Variants in CGNL1 observed in about 807,000 individuals in gnomAD.
The protein encoded by CGNL1 is cingulin-like protein 1.
A neutral mutation model predicts 141.2 loss-of-function variants in CGNL1; 132 were observed. That is an observed-to-expected ratio of 0.93 (90% CI 0.81 to 1.08). The LOEUF (loss-of-function observed/expected upper bound fraction) is 1.08. Ranked by LOEUF, CGNL1 falls within the 50% of genes least tolerant of loss-of-function variation. The pLI is 0.00. For missense variants in CGNL1, 1,870 were observed against 1,588.6 expected, an observed-to-expected ratio of 1.18 and a Z score of -3.01; for synonymous variants, 690 against 622.1, an observed-to-expected ratio of 1.11 and a Z score of -1.63.
chr15:57,439,310 A>C lies in CGNL1; in HGVS notation c.1311A>C (p.Lys437Asn). The C allele has an allele frequency of 6.2e-7, 1 of 1,614,116 alleles. No individual in the cohort carries two copies. The highest frequency in any genetic ancestry group is 8.5e-7 in the Non-Finnish European group (1 of 1,180,036). Reference protein sequence around the residue: ...QRPLSQERRGKQSVGRTFAKL... With the variant: ...QRPLSQERRGNQSVGRTFAKL... ...CACTGTCTCAGGAGCGCCGTGGGAA[A>C]CAGAGCGTGGGCCGCACCTTTGCAA... is the stretch of plus-strand genomic sequence containing the variant. The change falls in exon 2 of 19, where the codon AAA becomes AAC. Residue 437 changes from lysine to asparagine, a missense_variant. Lys to Asn is a moderately conservative substitution (Grantham distance 94). Transcript: ENST00000281282.
In CGNL1 at chr15:57,438,342, A is replaced by G. The variant is rs760360365; in HGVS notation, c.343A>G (p.Arg115Gly). 17 of 1,614,134 alleles carry G rather than the reference A, an allele frequency of 1.1e-5. No homozygotes were observed. The highest frequency in any genetic ancestry group is 1.3e-5 in the Non-Finnish European group (15 of 1,180,040). ...CCCATACGCCCAGCCTAGCCCAATA[A>G]GAAACCTGAAACAGCCCCTGCTCCA... ...ENPYAQPSPI[R>G]NLKQPLLHEG... Residue 115 changes from arginine (R) to glycine (G), a missense_variant, in exon 2 of 19, where the codon AGA becomes GGA. Physicochemically the swap from Arg to Gly is moderately radical, Grantham distance 125. Transcript: ENST00000281282.
intron 8 of CGNL1, among the ~76,000 whole-genome samples, chr15:57,511,120 A>G (rs547273906): frequency 6.6e-6 from 1 of 152,340 alleles, no homozygotes; most frequent in South Asian, 2.1e-4. Flanking sequence ...TTCAAAATTT[A>G]AAAATTGCCA....
chr15:57,422,536 G>A (rs2062927760), intron 1 of CGNL1, among the ~76,000 whole-genome samples: 1 of 152,218 alleles, frequency 6.6e-6, no homozygotes, highest in East Asian at 1.9e-4. Flanking sequence ...AAGTGCATGT[G>A]TTAATGTTCA....
chr15:57,549,337 G>C lies in CGNL1; in HGVS notation c.*1847G>C, dbSNP rs909708762. 1.3e-5 allele frequency: 2 copies of C among 152,204 alleles called. No homozygotes were observed. Among genetic ancestry groups the C allele is most frequent in the Non-Finnish European group, 2.9e-5 (2 of 68,086 alleles). 9.4% of individuals were successfully genotyped at this position (152,204 alleles called of 1,614,324 possible). The stretch of plus-strand genomic sequence containing the variant: ...GGTAGTGTTCAGCTGCTTCAGCAGT[G>C]TCCCCAACCATCCCAATAGGGTGGG... On this transcript the variant is annotated 3_prime_UTR_variant, in exon 19 of 19. Coordinates refer to ENST00000281282, the MANE Select transcript of CGNL1 (RefSeq NM_032866.5).
At chr15:57,539,921 C>T (rs72741522) in intron 14 of CGNL1, among the ~76,000 whole-genome samples, 18,967 of 152,210 alleles carry the variant, frequency 0.12, 1,481 homozygotes, top group Admixed American at 0.17. Context: ...ACACTGCCTA[C>T]CTCATTGGTG....
chr15:57,384,647 A>T (rs892594934), intron 1 of CGNL1, among the ~76,000 whole-genome samples: 1 of 150,364 alleles, frequency 6.7e-6, no homozygotes, highest in Non-Finnish European at 1.5e-5. Flanking sequence ...CTCTTTGTTT[A>T]TGTGTCTGAA....
intron 16 of CGNL1, 48 bp from the exon 17 acceptor site, chr15:57,545,544 G>A (rs2032810048): frequency 6.4e-7 from 1 of 1,551,172 alleles, no homozygotes; most frequent in Non-Finnish European, 8.8e-7. Flanking sequence ...TGGGCCCCCT[G>A]CAGGGATGGG....
At chr15:57,476,521 T>C (rs1366645424) in intron 8 of CGNL1, among the ~76,000 whole-genome samples, 1 of 152,160 alleles carries the variant, frequency 6.6e-6, no homozygotes, top group African/African-American at 2.4e-5. Context: ...GTAAATGGAT[T>C]TAGGCAAATA....
intron 8 of CGNL1, among the ~76,000 whole-genome samples, chr15:57,464,024 C>T (rs1197554310): frequency 2.6e-5 from 4 of 151,936 alleles, no homozygotes; most frequent in Non-Finnish European, 5.9e-5. Context: ...ATCTTGTCTG[C>T]TTCCTCCATT....
At chr15:57,460,947 A>T (rs2063437919) in intron 7 of CGNL1, among the ~76,000 whole-genome samples, 1 of 152,102 alleles carries the variant, frequency 6.6e-6, no homozygotes, top group Non-Finnish European at 1.5e-5. Context: ...GGGAGCCAAG[A>T]TGCCCACATC....
chr15:57,462,570 G>A (rs1481184052), intron 8 of CGNL1, among the ~76,000 whole-genome samples: 1 of 152,070 alleles, frequency 6.6e-6, no homozygotes, highest in Non-Finnish European at 1.5e-5. Flanking sequence ...GGGAAAGAGG[G>A]GAATTACAGA....
chr15:57,470,258 T>C (rs77320983), intron 8 of CGNL1, among the ~76,000 whole-genome samples: 20 of 107,996 alleles, frequency 1.9e-4, no homozygotes, highest in African/African-American at 4.8e-4. Context: ...TTGTCTCTCT[T>C]TTTTTTTTTT....
At chr15:57,536,435 G>A (rs1469760094) in intron 14 of CGNL1, among the ~76,000 whole-genome samples, 2 of 152,206 alleles carry the variant, frequency 1.3e-5, no homozygotes, top group Non-Finnish European at 2.9e-5. Context: ...AAACCTCTTG[G>A]ATGTTTGGAC....
intron 4 of CGNL1, among the ~76,000 whole-genome samples, chr15:57,445,272 C>A (rs111503982): frequency 1.3e-5 from 2 of 152,088 alleles, no homozygotes; most frequent in Admixed American, 6.6e-5. Context: ...AAAACAACAA[C>A]AAAAGAAGCT....
chr15:57,406,588 T>C (rs527421493), intron 1 of CGNL1, among the ~76,000 whole-genome samples: 54 of 152,164 alleles, frequency 3.5e-4, no homozygotes, highest in African/African-American at 1.2e-3. Context: ...GTAACATGGG[T>C]AAGTGGTAGT....
In CGNL1 at chr15:57,438,070, A is replaced by T; in HGVS notation, c.71A>T (p.Asp24Val). 5 of 1,613,994 alleles carry T rather than the reference A, an allele frequency of 3.1e-6. No individual in the cohort carries two copies. Among genetic ancestry groups the T allele is most frequent in the Non-Finnish European group, 4.2e-6 (5 of 1,180,002 alleles). Reference protein sequence around the residue: ...EYGVHLRLASDDTQKSRSSQN... With the variant: ...EYGVHLRLASVDTQKSRSSQN... ...GGGGTCCATCTGAGACTCGCAAGTG[A>T]TGATACCCAAAAATCAAGGAGTTCC... The change falls in exon 2 of 19, where the codon GAT becomes GTT. Residue 24 changes from aspartate to valine, a missense_variant. Transcript: ENST00000281282.
At chr15:57,476,182 C>T (rs912969158) in intron 8 of CGNL1, among the ~76,000 whole-genome samples, 10 of 151,986 alleles carry the variant, frequency 6.6e-5, no homozygotes, top group South Asian at 2.1e-4. Context: ...AGCAGAAGTT[C>T]GGAAAAGGGT....
At chr15:57,507,471 A>G (rs1446167554) in intron 8 of CGNL1, among the ~76,000 whole-genome samples, 1 of 152,196 alleles carries the variant, frequency 6.6e-6, no homozygotes, top group Non-Finnish European at 1.5e-5. Flanking sequence ...TATGAAGAAA[A>G]CCAGAGACAT....
intron 8 of CGNL1, among the ~76,000 whole-genome samples, chr15:57,498,007 C>G (rs1342679651): frequency 4.6e-5 from 7 of 152,148 alleles, no homozygotes; most frequent in African/African-American, 2.4e-5. Flanking sequence ...AGCAGCCCGT[C>G]CACAGGTACC....
Sources: gnomAD v4.1 joint callset for allele counts (sites outside exome capture counted in the v4.1 genomes callset) on GRCh38, gnomAD v4.1.1 for gene constraint, MANE v1.5 for transcripts, NCBI Gene and HGNC (gene_info 2026-07-23, HGNC 2026-07-21) for gene names.